The following TMTC1 variants were observed in gnomAD, a reference collection of about 807,000 sequenced individuals.
TMTC1 encodes transmembrane O-mannosyltransferase targeting cadherins 1.
A neutral mutation model predicts 104.8 loss-of-function variants in TMTC1; 73 were observed. That is an observed-to-expected ratio of 0.70 (90% CI 0.58 to 0.85). The LOEUF is 0.85. Among genes scored for constraint, TMTC1 ranks in the 40% least tolerant of loss-of-function variants. The probability of loss-of-function intolerance (pLI) is 0.00; values close to 1 mark genes in which losing one functional copy is unlikely to be tolerated. For missense variants in TMTC1, 1,035 were observed against 1,096.1 expected, an observed-to-expected ratio of 0.94 and a Z score of 0.79; for synonymous variants, 434 against 428.7, an observed-to-expected ratio of 1.01 and a Z score of -0.15.
At position 29,756,674 on chromosome 12, in the gene TMTC1, G is replaced by A. The variant is rs11050425; in HGVS notation, c.555-789C>T. Among the ~76,000 whole-genome samples the A allele has an allele frequency of 0.014, 2,148 of 152,154 alleles. 183 individuals are homozygous for A. In the East Asian group the frequency reaches 0.26, roughly 19 times the overall value. On this transcript the variant is annotated intron_variant, in intron 3 of 17. Coordinates refer to ENST00000539277, the MANE Select transcript of TMTC1 (RefSeq NM_001193451.2). ...TTGTTTCACCTTGTAAAACAGAGCG[G>A]GCCCCCTACCAAGAGACATCACTGT... is the stretch of plus-strand genomic sequence containing the variant.
chr12:29,764,486 C>A (rs772391971), intron 2 of TMTC1, among the ~76,000 whole-genome samples: 3 of 152,112 alleles, frequency 2.0e-5, no homozygotes, highest in Non-Finnish European at 4.4e-5. Flanking sequence ...CCAGTCTGGG[C>A]TACAGGGTCA....
intron 5 of TMTC1, among the ~76,000 whole-genome samples, chr12:29,676,881 G>A (rs989851853): frequency 2.0e-5 from 3 of 152,172 alleles, no homozygotes; most frequent in African/African-American, 7.2e-5. Context: ...ATTAAGTCTT[G>A]ACAGAGCTGG....
intron 5 of TMTC1, among the ~76,000 whole-genome samples, chr12:29,645,663 C>T (rs77983247): frequency 0.015 from 2,289 of 152,234 alleles, 55 homozygotes; most frequent in African/African-American, 0.053. Flanking sequence ...ATCTTTCTCG[C>T]TATAAAGGAT....
intron 6 of TMTC1, among the ~76,000 whole-genome samples, chr12:29,632,190 C>A (rs1430258259): frequency 9.9e-5 from 15 of 152,170 alleles, no homozygotes; most frequent in Non-Finnish European, 2.9e-5. Context: ...CAATTCCAAC[C>A]AGTAAACTTA....
rs1006491939 is a variant in TMTC1 at position 29,506,154 on chromosome 12, T to C, written c.*692A>G. On this transcript the variant is annotated 3_prime_UTR_variant, in exon 18 of 18. Coordinates refer to ENST00000539277, the MANE Select transcript of TMTC1 (RefSeq NM_001193451.2). ...TAAAATTAAAATAGTTTTAAACACT[T>C]CCATAAAGAATTAGGGGTGCCCAGC... 6.6e-6 allele frequency: 1 copy of C among 152,144 alleles called. No homozygotes were observed. The highest frequency in any genetic ancestry group is 6.6e-5 in the Admixed American group (1 of 15,264). The allele number at this position is 152,144 out of a possible 1,614,324, so 9.4% of individuals were successfully genotyped here.
At chr12:29,671,954 C>T (rs1254341670) in intron 5 of TMTC1, among the ~76,000 whole-genome samples, 1 of 152,098 alleles carries the variant, frequency 6.6e-6, no homozygotes, top group Non-Finnish European at 1.5e-5. Flanking sequence ...CAGCCTGCTC[C>T]GAAGCAATGA....
At chr12:29,777,854 T>C (rs1427505130) in intron 1 of TMTC1, among the ~76,000 whole-genome samples, 1 of 152,204 alleles carries the variant, frequency 6.6e-6, no homozygotes, top group African/African-American at 2.4e-5. Context: ...AACAAACTTA[T>C]CAGCCTTGTG....
At chr12:29,524,189 G>C (rs1489289754) in intron 11 of TMTC1, among the ~76,000 whole-genome samples, 1 of 152,174 alleles carries the variant, frequency 6.6e-6, no homozygotes, top group Non-Finnish European at 1.5e-5. Context: ...TAGTGTGCCA[G>C]AGAGACAATT....
At chr12:29,742,464 G>C (rs1034924953) in intron 5 of TMTC1, among the ~76,000 whole-genome samples, 6 of 152,088 alleles carry the variant, frequency 3.9e-5, no homozygotes, top group Admixed American at 2.6e-4. Flanking sequence ...TATATATAAA[G>C]TTATAAACAT....
intron 6 of TMTC1, among the ~76,000 whole-genome samples, chr12:29,628,455 T>C (rs1938121241): frequency 6.6e-6 from 1 of 152,176 alleles, no homozygotes. Flanking sequence ...TCGAGAGCTT[T>C]CCAGAGTTAC....
At chr12:29,661,340 A>G (rs1310324538) in intron 5 of TMTC1, 1 of 980,586 alleles carries the variant, frequency 1.0e-6, no homozygotes, top group Non-Finnish European at 1.2e-6. Flanking sequence ...GAAGGCTCCA[A>G]TGTCTTCCAT....
At chr12:29,513,043 C>T (rs1037656012) in intron 16 of TMTC1, among the ~76,000 whole-genome samples, 2 of 152,086 alleles carry the variant, frequency 1.3e-5, no homozygotes, top group Non-Finnish European at 1.5e-5. Flanking sequence ...CAAAAAGCTG[C>T]TAAAATAAAC....
chr12:29,709,766 T>C (rs756761004), intron 5 of TMTC1, among the ~76,000 whole-genome samples: 17 of 152,234 alleles, frequency 1.1e-4, no homozygotes, highest in Admixed American at 5.2e-4. Context: ...GTTTAAAATT[T>C]GTTTAATGCC....
intron 2 of TMTC1, 36 bp downstream of exon 2, chr12:29,767,862 A>C (rs1218897613): frequency 6.2e-7 from 1 of 1,602,698 alleles, no homozygotes; most frequent in African/African-American, 1.3e-5. Flanking sequence ...ACACACATTC[A>C]TATTCGTTAT....
intron 5 of TMTC1, among the ~76,000 whole-genome samples, chr12:29,636,762 A>G (rs2052677): frequency 1 from 151,872 of 152,052 alleles, 75,848 homozygotes; most frequent in Middle Eastern, 1. Flanking sequence ...AGGTTGCAGT[A>G]AGCTGGGCAT....
intron 7 of TMTC1, among the ~76,000 whole-genome samples, chr12:29,593,630 G>A (rs1488432998): frequency 1.3e-5 from 2 of 152,144 alleles, no homozygotes; most frequent in African/African-American, 4.8e-5. Flanking sequence ...TCACACACCA[G>A]GGACACAAAC....
At chr12:29,757,348 G>A (rs955454916) in intron 3 of TMTC1, among the ~76,000 whole-genome samples, 1 of 152,146 alleles carries the variant, frequency 6.6e-6, no homozygotes, top group African/African-American at 2.4e-5. Flanking sequence ...TGTCTCTTCT[G>A]CAACATCTTT....
intron 10 of TMTC1, among the ~76,000 whole-genome samples, chr12:29,543,259 G>A (rs531711368): frequency 1.3e-5 from 2 of 152,282 alleles, no homozygotes; most frequent in East Asian, 3.9e-4. Context: ...CCATGTCAGT[G>A]ACAGATATTT....
At chr12:29,585,267 G>C (rs1489603693) in intron 7 of TMTC1, among the ~76,000 whole-genome samples, 4 of 152,076 alleles carry the variant, frequency 2.6e-5, no homozygotes, top group Non-Finnish European at 5.9e-5. Flanking sequence ...CATATCCTTT[G>C]CCCACTTTTT....
Sources: gnomAD v4.1 joint callset for allele counts (sites outside exome capture counted in the v4.1 genomes callset) on GRCh38, gnomAD v4.1.1 for gene constraint, MANE v1.5 for transcripts, NCBI Gene and HGNC (gene_info 2026-07-23, HGNC 2026-07-21) for gene names.